Variants in ZNF385B observed in about 807,000 individuals in gnomAD.
ZNF385B encodes the protein zinc finger protein 533.
ZNF385B carries 23 observed loss-of-function variants against 39.2 expected under a neutral mutation model. That is an observed-to-expected ratio of 0.59 (90% CI 0.42 to 0.83). The LOEUF (loss-of-function observed/expected upper bound fraction) is 0.83. ZNF385B is among the 40% of genes least tolerant of loss of function. The pLI, the probability that ZNF385B is intolerant of heterozygous loss-of-function variation, is 0.00. For missense variants in ZNF385B, 552 were observed against 598.9 expected (o/e 0.92, Z 0.82); for synonymous variants, 205 against 222.6 (o/e 0.92, Z 0.70).
intron 1 of ZNF385B, among the ~76,000 whole-genome samples, chr2:179,778,929 A>G (rs1704507335): frequency 6.6e-6 from 1 of 152,214 alleles, no homozygotes; most frequent in African/African-American, 2.4e-5. Context: ...ATACATAATA[A>G]TCATTCATGT....
At chr2:179,754,732 G>A (rs1021059270) in intron 3 of ZNF385B, among the ~76,000 whole-genome samples, 1 of 152,164 alleles carries the variant, frequency 6.6e-6, no homozygotes, top group African/African-American at 2.4e-5. Flanking sequence ...GGTGTTTATA[G>A]TATTCTCTGA....
intron 3 of ZNF385B, chr2:179,745,645 A>G: frequency 7.2e-7 from 1 of 1,382,234 alleles, no homozygotes; most frequent in Non-Finnish European, 9.7e-7. Context: ...ATTCAGCATA[A>G]CATACAAAAG....
At chr2:179,860,980 G>C (rs1685013684) in intron 1 of ZNF385B, 121 bp downstream of exon 1, 1 of 167,682 alleles carries the variant, frequency 6.0e-6, no homozygotes, top group African/African-American at 2.4e-5. Context: ...GGGGGCTCCT[G>C]GCCATTCCCT....
chr2:179,471,496 A>G (rs1028051989), intron 6 of ZNF385B, among the ~76,000 whole-genome samples: 5 of 152,138 alleles, frequency 3.3e-5, no homozygotes, highest in Admixed American at 2.0e-4. Context: ...ACTTTCTTCA[A>G]TTATACTTGA....
At chr2:179,812,986 T>C (rs1208135214) in intron 1 of ZNF385B, among the ~76,000 whole-genome samples, 1 of 152,172 alleles carries the variant, frequency 6.6e-6, no homozygotes, top group Non-Finnish European at 1.5e-5. Context: ...TTTTTATAAC[T>C]ATTTTTTCCT....
At chr2:179,578,368 C>T (rs1686082178) in intron 3 of ZNF385B, among the ~76,000 whole-genome samples, 1 of 152,024 alleles carries the variant, frequency 6.6e-6, no homozygotes, top group Admixed American at 6.6e-5. Context: ...GTACACACTA[C>T]AAGTTAAGCC....
rs765048304 is a variant in ZNF385B at position 179,528,550 on chromosome 2, AT to A, written c.442-9913del. Among the ~76,000 whole-genome samples the A allele has an allele frequency of 5.9e-5, 9 of 152,378 alleles. No individual in the cohort carries two copies. In the South Asian group the frequency reaches 6.2e-4, roughly 11 times the overall value. On this transcript the variant is annotated intron_variant, in intron 4 of 9. Coordinates refer to ENST00000410066, the MANE Select transcript of ZNF385B (RefSeq NM_152520.6). ...TTTCATCTTTTATACTTTTAGAACC[AT>A]AAGGAGTTACCAAATGGTAAAAGTA...
Position 179,443,258 on chromosome 2 carries a change from G to A in ZNF385B, c.1453C>T (p.Pro485Ser). The A allele has an allele frequency of 6.2e-7, 1 of 1,612,366 alleles. No individual in the cohort carries two copies. Among genetic ancestry groups the A allele is most frequent in the Non-Finnish European group, 8.5e-7 (1 of 1,180,036 alleles). Residue 485 changes from proline to serine, a missense_variant, in exon 10 of 10, where the codon CCG (proline) becomes TCG (serine). Physicochemically the swap from Pro to Ser is moderately conservative, Grantham distance 74 (BLOSUM62 -1). Transcript: ENST00000410066. ...CTTGGGGTTTGCAGACGTTAGTACG[G>A]AGCAAAGAGGATGGAGGCAGGAGTG... ...RATPASILFA[P>S]Y
intron 3 of ZNF385B, among the ~76,000 whole-genome samples, chr2:179,688,748 T>G (rs934889778): frequency 7.2e-5 from 11 of 152,190 alleles, no homozygotes; most frequent in Non-Finnish European, 1.6e-4. Context: ...TACCATGTTG[T>G]ACAATAGATC....
At chr2:179,584,798 G>A (rs1230421709) in intron 3 of ZNF385B, among the ~76,000 whole-genome samples, 2 of 152,160 alleles carry the variant, frequency 1.3e-5, no homozygotes, top group Non-Finnish European at 2.9e-5. Context: ...GCATGACTCA[G>A]GCCAGAAGAA....
chr2:179,576,327 C>T (rs1197908376), intron 3 of ZNF385B: 2 of 277,272 alleles, frequency 7.2e-6, no homozygotes, highest in African/African-American at 2.3e-5. Context: ...TTCCATTTAT[C>T]CATTTGACAC....
chr2:179,533,691 C>A (rs1415761928), intron 4 of ZNF385B, among the ~76,000 whole-genome samples: 1 of 152,006 alleles, frequency 6.6e-6, no homozygotes, highest in African/African-American at 2.4e-5. Context: ...TTTCTATTAT[C>A]AATACATGAA....
At chr2:179,622,282 T>C (rs2106164350) in intron 3 of ZNF385B, among the ~76,000 whole-genome samples, 1 of 152,306 alleles carries the variant, frequency 6.6e-6, no homozygotes, top group African/African-American at 2.4e-5. Context: ...AGGGTCGTCA[T>C]TCTCAGATGT....
rs555877430 is a variant in ZNF385B at position 179,616,697 on chromosome 2, C to G, written c.299-71728G>C. Among the ~76,000 whole-genome samples, 4 of 152,200 alleles carry G rather than the reference C, an allele frequency of 2.6e-5. No homozygotes were observed. In the South Asian group the frequency reaches 8.3e-4, roughly 32 times the overall value. On this transcript the variant is annotated intron_variant, in intron 3 of 9. Coordinates refer to ENST00000410066, the MANE Select transcript of ZNF385B (RefSeq NM_152520.6). ...ACCTCAGCCTCCTGAGTAGCTGGTA[C>G]CACAGTTGCATGCTGCCAGGCCCGG... is the stretch of plus-strand genomic sequence containing the variant.
intron 3 of ZNF385B, among the ~76,000 whole-genome samples, chr2:179,736,812 T>G (rs1204517075): frequency 6.6e-6 from 1 of 151,804 alleles, no homozygotes; most frequent in Non-Finnish European, 1.5e-5. Context: ...TCTACTAAAA[T>G]ACAAAAAATT....
intron 3 of ZNF385B, among the ~76,000 whole-genome samples, chr2:179,647,664 G>C (rs759750040): frequency 2.6e-5 from 4 of 152,168 alleles, no homozygotes; most frequent in Non-Finnish European, 4.4e-5. Context: ...TATACAGAAT[G>C]TTCCTATAGG....
chr2:179,593,736 C>T (rs1687766588), intron 3 of ZNF385B, among the ~76,000 whole-genome samples: 1 of 152,104 alleles, frequency 6.6e-6, no homozygotes, highest in African/African-American at 2.4e-5. Flanking sequence ...CTATACCATC[C>T]TTTAACTCAT....
chr2:179,857,840 C>T (rs2105456778), intron 1 of ZNF385B, among the ~76,000 whole-genome samples: 1 of 152,108 alleles, frequency 6.6e-6, no homozygotes, highest in East Asian at 1.9e-4. Flanking sequence ...CTCAAATATT[C>T]ACTGAATAAA....
At chr2:179,570,224 G>A (rs1399321402) in intron 3 of ZNF385B, among the ~76,000 whole-genome samples, 1 of 152,134 alleles carries the variant, frequency 6.6e-6, no homozygotes, top group Non-Finnish European at 1.5e-5. Flanking sequence ...ACTCCTGCAA[G>A]TCCTCCCAGC....
Sources: gnomAD v4.1 joint callset for allele counts (sites outside exome capture counted in the v4.1 genomes callset) on GRCh38, gnomAD v4.1.1 for gene constraint, MANE v1.5 for transcripts, NCBI Gene and HGNC (gene_info 2026-07-23, HGNC 2026-07-21) for gene names.